The following CNTLN variants were observed in gnomAD, a reference collection of about 807,000 sequenced individuals.
CNTLN encodes the protein centlein, centrosomal protein.
Under a neutral mutation model 180.0 loss-of-function variants are expected in CNTLN, and 212 were observed. The ratio of observed to expected loss-of-function variants is 1.18; its 90% CI spans 1.05 to 1.32. The LOEUF is 1.32. Ranked by LOEUF, CNTLN falls within the 40% of genes most tolerant of loss-of-function variation. The pLI is 0.00. For missense variants in CNTLN, 2,095 were observed against 1,610.9 expected (o/e 1.30, Z -5.14); for synonymous variants, 722 against 563.1 (o/e 1.28, Z -3.99).
chr9:17,395,727 G>A (rs969934239), intron 15 of CNTLN, among the ~76,000 whole-genome samples: 1 of 152,106 alleles, frequency 6.6e-6, no homozygotes, highest in Non-Finnish European at 1.5e-5. Context: ...ACAGCAACAG[G>A]AGGATACTAA....
chr9:17,228,606 C>G (rs941264089), intron 3 of CNTLN, among the ~76,000 whole-genome samples: 1 of 152,002 alleles, frequency 6.6e-6, no homozygotes, highest in Non-Finnish European at 1.5e-5. Context: ...GCCATATTCT[C>G]CTACACTACT....
chr9:17,319,080 C>A (rs894354789), intron 8 of CNTLN, among the ~76,000 whole-genome samples: 13 of 152,104 alleles, frequency 8.5e-5, no homozygotes, highest in African/African-American at 3.1e-4. Flanking sequence ...TTTCAAGGAG[C>A]ATGTTTATGG....
intron 13 of CNTLN, among the ~76,000 whole-genome samples, chr9:17,380,554 G>A (rs1177403629): frequency 6.6e-6 from 1 of 152,158 alleles, no homozygotes; most frequent in African/African-American, 2.4e-5. Context: ...TCTGGTTGGG[G>A]AGGGCAGCTT....
intron 7 of CNTLN, chr9:17,301,150 C>T (rs1293824272): frequency 1.0e-6 from 1 of 985,232 alleles, no homozygotes; most frequent in Non-Finnish European, 1.2e-6. Context: ...AAATTAATTT[C>T]TGATAACTTT....
At chr9:17,359,351 T>C (rs1015033878) in intron 12 of CNTLN, among the ~76,000 whole-genome samples, 4 of 151,844 alleles carry the variant, frequency 2.6e-5, no homozygotes, top group Non-Finnish European at 5.9e-5. Flanking sequence ...AAGCACTAAA[T>C]AGAAATGAAA....
chr9:17,246,925 G>T (rs1185995712), intron 5 of CNTLN, among the ~76,000 whole-genome samples: 1 of 151,848 alleles, frequency 6.6e-6, no homozygotes, highest in African/African-American at 2.4e-5. Context: ...TAGAAATGTT[G>T]TTCAGGAGCT....
chr9:17,390,783 A>G (rs182698015), intron 14 of CNTLN, among the ~76,000 whole-genome samples: 74 of 152,298 alleles, frequency 4.9e-4, no homozygotes, highest in African/African-American at 1.4e-3. Context: ...CCTTTTCAAA[A>G]TGTTTAGAAG....
At chr9:17,479,482 A>T (rs913979837) in intron 23 of CNTLN, among the ~76,000 whole-genome samples, 2 of 152,204 alleles carry the variant, frequency 1.3e-5, no homozygotes, top group African/African-American at 4.8e-5. Flanking sequence ...AGTGTTTATG[A>T]TAGTCAAATT....
chr9:17,315,021 C>A (rs1207246837), intron 8 of CNTLN, among the ~76,000 whole-genome samples: 1 of 152,122 alleles, frequency 6.6e-6, no homozygotes, highest in East Asian at 1.9e-4. Context: ...TATTTTACCC[C>A]ATAAAATATT....
In CNTLN at chr9:17,165,476, T is replaced by G. The variant is rs1820004637; in HGVS notation, c.449+22100T>G. ...CTTAGCAGAATGGGGAAAGTTGAAA[T>G]ACATAGAATGTAGAAATTTCTAGTA... On this transcript the variant is annotated intron_variant, in intron 2 of 25. Coordinates refer to ENST00000380647, the MANE Select transcript of CNTLN (RefSeq NM_017738.4). 2.0e-5 allele frequency among the ~76,000 whole-genome samples: 3 copies of G among 152,170 alleles called. No individual in the cohort carries two copies. The South Asian group carries it at 6.2e-4, about 31-fold the overall frequency.
In CNTLN at chr9:17,135,417, C is replaced by A; in HGVS notation, c.352C>A (p.Leu118Met). The A allele has an allele frequency of 6.3e-7, 1 of 1,596,140 alleles. No homozygotes were observed. Residue 118 changes from leucine (L) to methionine (M), a missense_variant, in exon 1 of 26, where the codon CTG becomes ATG. Transcript: ENST00000380647. ...ELSSLKEELALCQADKEFVWS... is the reference protein window; with the variant it reads ...ELSSLKEELAMCQADKEFVWS... ...GAGCAGCCTAAAGGAGGAGTTGGCC[C>A]TGTGTCAGGTATCGAGGAGTCTCGC...
At chr9:17,362,352 G>C (rs996511778) in intron 12 of CNTLN, among the ~76,000 whole-genome samples, 1 of 152,116 alleles carries the variant, frequency 6.6e-6, no homozygotes, top group Non-Finnish European at 1.5e-5. Flanking sequence ...GTGTATGTGT[G>C]TGCATGTGTA....
rs142556335 is a variant in CNTLN, at chr9:17,147,575, C to T, written c.449+4199C>T. Reference sequence around the variant, plus strand: ...GTTTATTTGTCTCTATGAGTCTATGCTTCTGTTTTTAAGATATTTGTCAAA... The same window carrying T: ...GTTTATTTGTCTCTATGAGTCTATGTTTCTGTTTTTAAGATATTTGTCAAA... On this transcript the variant is annotated intron_variant, in intron 2 of 25. Transcript: ENST00000380647. Among the ~76,000 whole-genome samples, 787 of 152,154 alleles carry T rather than the reference C, an allele frequency of 5.2e-3. 5 individuals carry two copies. The highest frequency in any genetic ancestry group is 0.018 in the African/African-American group (758 of 41,504).
intron 24 of CNTLN, among the ~76,000 whole-genome samples, chr9:17,486,516 G>A (rs1453173706): frequency 6.6e-5 from 10 of 152,034 alleles, no homozygotes; most frequent in African/African-American, 2.4e-4. Flanking sequence ...TTATTGGATA[G>A]TTTGAATCAA....
intron 7 of CNTLN, among the ~76,000 whole-genome samples, chr9:17,305,552 A>G (rs558138040): frequency 4.0e-4 from 61 of 151,350 alleles, no homozygotes; most frequent in African/African-American, 1.3e-3. Context: ...ACTCTTATTA[A>G]TGGAATGAGA....
At chr9:17,187,418 G>C (rs1230849153) in intron 2 of CNTLN, among the ~76,000 whole-genome samples, 2 of 151,926 alleles carry the variant, frequency 1.3e-5, no homozygotes, top group Non-Finnish European at 2.9e-5. Context: ...TGTCAGAGGA[G>C]GGTTTAATTT....
Position 17,503,658 on chromosome 9 carries a change from T to A in CNTLN, c.*1006T>A, listed in dbSNP as rs1833861268. 6.6e-6 allele frequency: 1 copy of A among 152,616 alleles called. No individual in the cohort carries two copies. The highest frequency in any genetic ancestry group is 2.4e-5 in the African/African-American group (1 of 41,440). The allele number at this position is 152,616 out of a possible 1,614,324, so 9.5% of individuals were successfully genotyped here. A position where few individuals can be genotyped will look rare whatever the true frequency, so the allele number is the denominator to read the frequency against. On this transcript the variant is annotated 3_prime_UTR_variant, in exon 26 of 26. Coordinates refer to ENST00000380647, the MANE Select transcript of CNTLN (RefSeq NM_017738.4). ...TCCTCATAGCACAAAATTATCTATC[T>A]GTTCATGTATTTGTTTTCTTGTTTA...
At chr9:17,438,708 G>A (rs778736851) in intron 18 of CNTLN, among the ~76,000 whole-genome samples, 42 of 152,182 alleles carry the variant, frequency 2.8e-4, no homozygotes, top group Non-Finnish European at 4.4e-4. Context: ...GGATATATGA[G>A]TTTAAAATTT....
chr9:17,401,348 G>T (rs928033460), intron 15 of CNTLN, among the ~76,000 whole-genome samples: 1 of 151,804 alleles, frequency 6.6e-6, no homozygotes, highest in East Asian at 1.9e-4. Context: ...AATATAGTAC[G>T]GTACATTAAA....
Sources: allele counts gnomAD v4.1 joint callset (sites outside exome capture counted in the v4.1 genomes callset), GRCh38; gene constraint gnomAD v4.1.1; transcripts MANE v1.5; gene names NCBI Gene and HGNC (gene_info 2026-07-23, HGNC 2026-07-21).